Variants in DHX9 observed in about 807,000 individuals in gnomAD.
DHX9 encodes DExH-box helicase 9, also known as ATP-dependent RNA helicase A.
Under a neutral mutation model 148.7 loss-of-function variants are expected in DHX9, and 27 were observed. The ratio of observed to expected loss-of-function variants is 0.18; its 90% CI spans 0.13 to 0.25. The LOEUF (loss-of-function observed/expected upper bound fraction) is 0.25, where lower values mean the gene tolerates loss of function less well. Ranked by LOEUF, DHX9 falls within the 10% of genes least tolerant of loss-of-function variation. The pLI is 1.00. For missense variants in DHX9, 796 were observed against 1,559.6 expected (o/e 0.51, Z 8.25); for synonymous variants, 529 against 516.6 (o/e 1.02, Z -0.33).
At chr1:182,860,325 A>G (rs1668337472) in intron 12 of DHX9, 141 bp downstream of exon 12, 3 of 710,464 alleles carry the variant, frequency 4.2e-6, no homozygotes, top group Non-Finnish European at 2.2e-6. Context: ...AAACATAAAA[A>G]CAACGTAGTC....
At chr1:182,883,968 T>C (rs913557879) in intron 26 of DHX9, among the ~76,000 whole-genome samples, 1 of 152,188 alleles carries the variant, frequency 6.6e-6, no homozygotes, top group Non-Finnish European at 1.5e-5. Flanking sequence ...ATCATATTCT[T>C]GAAAACCTAG....
intron 6 of DHX9, among the ~76,000 whole-genome samples, chr1:182,854,757 A>C (rs1454940744): frequency 1.3e-5 from 2 of 152,142 alleles, no homozygotes; most frequent in Non-Finnish European, 2.9e-5. Context: ...TAAATGTATA[A>C]AACAATATAA....
intron 15 of DHX9, among the ~76,000 whole-genome samples, chr1:182,874,245 A>C (rs1055384481): frequency 1.1e-4 from 17 of 152,220 alleles, no homozygotes; most frequent in African/African-American, 3.6e-4. Flanking sequence ...CAGTGGAGAA[A>C]TTTGGCAGGC....
At chr1:182,874,817 T>G (rs1648689045) in intron 15 of DHX9, 37 bp from the exon 16 acceptor site, 1 of 1,478,890 alleles carries the variant, frequency 6.8e-7, no homozygotes, top group African/African-American at 1.4e-5. Context: ...ATTGTGAAAG[T>G]TGATAGTACT....
At chr1:182,852,197 A>G in intron 3 of DHX9, 36 bp from the exon 4 acceptor site, 1 of 1,462,196 alleles carries the variant, frequency 6.8e-7, no homozygotes, top group Non-Finnish European at 9.4e-7. Flanking sequence ...GTGAAGGCAA[A>G]AGCACTGACA....
At position 182,853,402 on chromosome 1, in the gene DHX9, A is replaced by C; in HGVS notation, c.461A>C (p.Glu154Ala). 1 of 1,614,056 alleles carries C rather than the reference A, an allele frequency of 6.2e-7. No individual in the cohort carries two copies. The highest frequency in any genetic ancestry group is 8.5e-7 in the Non-Finnish European group (1 of 1,179,934). Residue 154 changes from glutamate (E) to alanine (A), a missense_variant, in exon 5 of 28, where the codon GAA becomes GCA. Around this residue, in one of 14 missense-constraint regions of DHX9, gnomAD observed 46 missense variants for 136.3 expected, o/e 0.34. Transcript: ENST00000367549. The stretch of plus-strand genomic sequence containing the variant: ...AAGGATTACTACTCAAGAAAGGAAG[A>C]ACAAGAAGTGCAAGCGGTAAGGCCA... Reference protein sequence around the residue: ...NLKDYYSRKEEQEVQATLESE... With the variant: ...NLKDYYSRKEAQEVQATLESE...
chr1:182,850,774 T>C (rs1047801066), intron 3 of DHX9, among the ~76,000 whole-genome samples: 1 of 152,216 alleles, frequency 6.6e-6, no homozygotes, highest in Non-Finnish European at 1.5e-5. Flanking sequence ...CTTGAAAAAG[T>C]ATTTTCTCAC....
At chr1:182,872,746 A>G (rs1008090278) in intron 15 of DHX9, among the ~76,000 whole-genome samples, 3 of 152,176 alleles carry the variant, frequency 2.0e-5, no homozygotes, top group African/African-American at 7.2e-5. Flanking sequence ...CCAGGCCTTT[A>G]CTTATAAAGC....
Position 182,876,151 on chromosome 1 carries a change from T to G in DHX9, c.1917T>G (p.Ala639=). 1 of 1,614,036 alleles carries G rather than the reference T, an allele frequency of 6.2e-7. No individual in the cohort carries two copies. The highest frequency in any genetic ancestry group is 1.1e-5 in the South Asian group (1 of 91,082). Residue 639 remains alanine, a synonymous_variant, in exon 17 of 28, where the codon GCT becomes GCG. Transcript: ENST00000367549. ...AAACTCCTTTTGAACTCATCGAGGC[T>G]CTACTTAAGTACATTGAAACCCTTA... is the stretch of plus-strand genomic sequence containing the variant. ...EKETPFELIE[A]LLKYIETLNV...
Position 182,878,128 on chromosome 1 carries a change from G to A in DHX9, c.2306G>A (p.Arg769Gln). 1 of 1,614,224 alleles carries A rather than the reference G, an allele frequency of 6.2e-7. No individual in the cohort carries two copies. Among genetic ancestry groups the A allele is most frequent in the Non-Finnish European group, 8.5e-7 (1 of 1,180,046 alleles). ...CGGAAAGGGCGAGCTGGCCGAGTAC[G>A]GCCTGGATTCTGCTTTCACCTGTGC... Reference protein sequence around the residue: ...EQRKGRAGRVRPGFCFHLCSR... With the variant: ...EQRKGRAGRVQPGFCFHLCSR... The change falls in exon 20 of 28, where the codon CGG becomes CAG. Residue 769 changes from arginine to glutamine, a missense_variant. By Grantham distance (43) the Arg-to-Gln change is conservative. Transcript: ENST00000367549.
chr1:182,878,178 G>A lies in DHX9; in HGVS notation c.2351+5G>A. Reference sequence around the variant, plus strand: ...CAGCCGAGCTCGTTTTGAGAGGTAAGACCCATTCTTGACCTTTAGTAAGGG... The same window carrying A: ...CAGCCGAGCTCGTTTTGAGAGGTAAAACCCATTCTTGACCTTTAGTAAGGG... On this transcript the variant is annotated splice_donor_5th_base_variant and intron_variant, in intron 20 of 27. Transcript: ENST00000367549. The A allele has an allele frequency of 6.2e-7, 1 of 1,614,038 alleles. No homozygotes were observed.
At chr1:182,869,365 T>A (rs1166036959) in intron 14 of DHX9, among the ~76,000 whole-genome samples, 1 of 152,150 alleles carries the variant, frequency 6.6e-6, no homozygotes, top group Non-Finnish European at 1.5e-5. Context: ...TCTGGTCTAA[T>A]CTAGTCCGGA....
In DHX9 at chr1:182,886,185, A is replaced by G. The variant is rs1041549737; in HGVS notation, c.3462-898A>G. ...TATTTTTATTTTTATTTTTTTTTAA[A>G]TTTATTTATTTATTTATTTATTTAT... is the stretch of plus-strand genomic sequence containing the variant. On this transcript the variant is annotated intron_variant, in intron 27 of 27. Coordinates refer to ENST00000367549, the MANE Select transcript of DHX9 (RefSeq NM_001357.5). Among the ~76,000 whole-genome samples, 16 of 101,134 alleles carry G rather than the reference A, an allele frequency of 1.6e-4. 1 individual carries two copies. Among genetic ancestry groups the G allele is most frequent in the Admixed American group, 1.4e-3 (15 of 10,546 alleles). The allele number at this position is 101,134 out of a possible 152,430, so 66.3% of individuals were successfully genotyped here. A position where few individuals can be genotyped will look rare whatever the true frequency, so the allele number is the denominator to read the frequency against.
At chr1:182,842,093 G>T (rs970956191) in intron 1 of DHX9, among the ~76,000 whole-genome samples, 8 of 152,094 alleles carry the variant, frequency 5.3e-5, no homozygotes, top group African/African-American at 1.9e-4. Context: ...CCTCCACGGT[G>T]GGTGACTTGG....
At chr1:182,851,247 T>C (rs1668140566) in intron 3 of DHX9, among the ~76,000 whole-genome samples, 1 of 152,130 alleles carries the variant, frequency 6.6e-6, no homozygotes, top group South Asian at 2.1e-4. Context: ...CTATATATAT[T>C]GGCAGAAGCA....
Position 182,887,603 on chromosome 1 carries a change from T to A in DHX9, c.*169T>A, listed in dbSNP as rs1649395337. 4 of 595,834 alleles carry A rather than the reference T, an allele frequency of 6.7e-6. No homozygotes were observed. The highest frequency in any genetic ancestry group is 1.2e-5 in the Non-Finnish European group (4 of 336,734). The allele number at this position is 595,834 out of a possible 1,614,324, so 36.9% of individuals were successfully genotyped here. On this transcript the variant is annotated 3_prime_UTR_variant, in exon 28 of 28. Coordinates refer to ENST00000367549, the MANE Select transcript of DHX9 (RefSeq NM_001357.5). ...ACCAAGCATATAGATGCATTAGTGA[T>A]TTTGTTTATATTATGTAAAATATAA...
At chr1:182,872,615 A>G in intron 15 of DHX9, 122 bp downstream of exon 15, 2 of 1,087,562 alleles carry the variant, frequency 1.8e-6, no homozygotes, top group Non-Finnish European at 2.6e-6. Flanking sequence ...TATAGTATCA[A>G]ATGTATCATA....
chr1:182,866,914 A>T, intron 13 of DHX9, 47 bp from the exon 14 acceptor site: 2 of 1,418,570 alleles, frequency 1.4e-6, no homozygotes, highest in Non-Finnish European at 1.9e-6. Context: ...CCATAGATTT[A>T]CTACTTTGAA....
At chr1:182,854,271 T>C in intron 6 of DHX9, 93 bp downstream of exon 6, 3 of 1,186,798 alleles carry the variant, frequency 2.5e-6, no homozygotes, top group African/African-American at 3.0e-5. Context: ...CGTTGTCTGG[T>C]TAATTGTGTG....
Sources: gnomAD v4.1 joint callset for allele counts (sites outside exome capture counted in the v4.1 genomes callset) on GRCh38, gnomAD v4.1.1 for gene constraint, gnomAD v4.1.1 regional missense constraint, MANE v1.5 for transcripts, NCBI Gene and HGNC (gene_info 2026-07-23, HGNC 2026-07-21) for gene names.